Variants in PBX1 observed in about 807,000 individuals in gnomAD.
PBX1 encodes the protein PBX homeobox 1.
Under a neutral mutation model 53.4 loss-of-function variants are expected in PBX1, and 6 were observed. The observed-to-expected ratio is 0.11, with a 90% confidence interval of 0.06 to 0.22. The LOEUF (loss-of-function observed/expected upper bound fraction) is 0.22. PBX1 is among the 10% of genes least tolerant of loss of function. PBX1 has a pLI of 1.00. For missense variants in PBX1, 251 were observed against 551.4 expected (o/e 0.46, Z 5.46); for synonymous variants, 204 against 212.3 (o/e 0.96, Z 0.34).
At position 164,707,418 on chromosome 1, in the gene PBX1, TGAGAGAGAGAGA is replaced by T. The variant is rs528876002; in HGVS notation, c.266-85049_266-85038del. Among the ~76,000 whole-genome samples the T allele has an allele frequency of 1.8e-3, 218 of 118,260 alleles. 3 individuals carry two copies. The highest frequency in any genetic ancestry group is 0.015 in the Middle Eastern group (4 of 264). The allele number at this position is 118,260 out of a possible 152,430, so 77.6% of individuals were successfully genotyped here. ...AGGTGTGTGTGTGTGTGTGTGTGTG[TGAGAGAGAGAGA>T]GAGAGAGAGAGAGAGAGAGAGAGAG... On this transcript the variant is annotated intron_variant, in intron 2 of 8. Coordinates refer to ENST00000420696, the MANE Select transcript of PBX1 (RefSeq NM_002585.4).
intron 2 of PBX1, among the ~76,000 whole-genome samples, chr1:164,571,412 C>T (rs1653842884): frequency 6.6e-6 from 1 of 152,134 alleles, no homozygotes; most frequent in Non-Finnish European, 1.5e-5. Flanking sequence ...TTTGCCTATT[C>T]TGGACATTTC....
intron 2 of PBX1, among the ~76,000 whole-genome samples, chr1:164,716,083 G>C (rs1450712950): frequency 6.6e-6 from 1 of 152,110 alleles, no homozygotes; most frequent in Non-Finnish European, 1.5e-5. Flanking sequence ...GGCATATTTG[G>C]GTCATTAAAT....
chr1:164,662,282 C>T (rs774316228), intron 2 of PBX1, among the ~76,000 whole-genome samples: 2 of 152,124 alleles, frequency 1.3e-5, no homozygotes, highest in African/African-American at 2.4e-5. Context: ...GCCAAGATCT[C>T]GCCACTGCAC....
rs571835944 is a variant in PBX1 at position 164,635,167 on chromosome 1, A to G, written c.265+71856A>G. Among the ~76,000 whole-genome samples the G allele has an allele frequency of 2.0e-5, 3 of 152,266 alleles. No individual in the cohort carries two copies. In the South Asian group the frequency reaches 6.2e-4, roughly 32 times the overall value. ...TGTTAATTTATTAATCACTGAATAT[A>G]CAGCAGTTCATCTGAAATGCTGTTG... On this transcript the variant is annotated intron_variant, in intron 2 of 8. Coordinates refer to ENST00000420696, the MANE Select transcript of PBX1 (RefSeq NM_002585.4).
At chr1:164,822,972 A>C (rs548494059) in intron 8 of PBX1, among the ~76,000 whole-genome samples, 1 of 152,170 alleles carries the variant, frequency 6.6e-6, no homozygotes, top group Non-Finnish European at 1.5e-5. Flanking sequence ...GAAGTCAGGC[A>C]GCAGATTTTG....
At chr1:164,857,296 A>C (rs1429707012) in intron 2 of PBX1, among the ~76,000 whole-genome samples, 1 of 152,178 alleles carries the variant, frequency 6.6e-6, no homozygotes, top group Non-Finnish European at 1.5e-5. Flanking sequence ...TATAAAGGAT[A>C]CAAATAAACA....
chr1:164,675,026 A>G (rs1661355324), intron 2 of PBX1, among the ~76,000 whole-genome samples: 1 of 152,122 alleles, frequency 6.6e-6, no homozygotes, highest in Admixed American at 6.5e-5. Flanking sequence ...GGCAAGGGAA[A>G]TATGATTAAC....
chr1:164,593,805 T>C (rs1372736304), intron 2 of PBX1, among the ~76,000 whole-genome samples: 3 of 152,214 alleles, frequency 2.0e-5, no homozygotes, highest in Non-Finnish European at 4.4e-5. Context: ...CTTATTGTTA[T>C]TATCTCCGTT....
chr1:164,718,060 T>A (rs2347618), intron 2 of PBX1, among the ~76,000 whole-genome samples: 2 of 151,994 alleles, frequency 1.3e-5, no homozygotes, highest in Non-Finnish European at 2.9e-5. Context: ...TAAGTAAGTA[T>A]CTTGCCCAAG....
chr1:164,881,864 T>G (rs940625678), intron 2 of PBX1, among the ~76,000 whole-genome samples: 7 of 152,128 alleles, frequency 4.6e-5, no homozygotes, highest in African/African-American at 1.4e-4. Flanking sequence ...GGACAAAGAA[T>G]CTTAGAAGCT....
chr1:164,765,600 C>T (rs1667021798), intron 2 of PBX1, among the ~76,000 whole-genome samples: 1 of 152,186 alleles, frequency 6.6e-6, no homozygotes, highest in Admixed American at 6.5e-5. Context: ...TTGCTTTACA[C>T]ATGTTAACTC....
intron 2 of PBX1, among the ~76,000 whole-genome samples, chr1:164,717,933 T>C (rs1422154071): frequency 6.6e-6 from 1 of 152,218 alleles, no homozygotes; most frequent in Non-Finnish European, 1.5e-5. Flanking sequence ...ATACTAGCAA[T>C]CTTTTATTAA....
At chr1:164,655,554 A>T (rs1364505056) in intron 2 of PBX1, among the ~76,000 whole-genome samples, 1 of 152,188 alleles carries the variant, frequency 6.6e-6, no homozygotes, top group East Asian at 1.9e-4. Context: ...TCTTCCAAGG[A>T]TGACCACCAT....
At chr1:164,649,767 G>A (rs1460010954) in intron 2 of PBX1, among the ~76,000 whole-genome samples, 5 of 152,112 alleles carry the variant, frequency 3.3e-5, no homozygotes, top group Non-Finnish European at 7.4e-5. Flanking sequence ...ACCATGCTGG[G>A]TCTGTTCTAA....
chr1:164,739,076 C>A (rs1392036613), intron 2 of PBX1, among the ~76,000 whole-genome samples: 1 of 152,116 alleles, frequency 6.6e-6, no homozygotes, highest in African/African-American at 2.4e-5. Context: ...GCTCCATGTA[C>A]CCTGTGTGTT....
chr1:164,642,563 A>G (rs1425997297), intron 2 of PBX1: 3 of 152,214 alleles, frequency 2.0e-5, no homozygotes, highest in African/African-American at 4.8e-5. Flanking sequence ...TCCTGGCCCC[A>G]TGAAATCTGT....
intron 2 of PBX1, among the ~76,000 whole-genome samples, chr1:164,653,570 C>T (rs1659967372): frequency 1.3e-5 from 2 of 151,952 alleles, no homozygotes; most frequent in South Asian, 4.2e-4. Context: ...GTCAGGAGTT[C>T]GAGACCAGCC....
intron 3 of PBX1, among the ~76,000 whole-genome samples, chr1:164,797,793 C>T (rs1393129182): frequency 6.6e-6 from 1 of 152,156 alleles, no homozygotes; most frequent in Non-Finnish European, 1.5e-5. Flanking sequence ...TCATTTAATC[C>T]TTACTACACC....
intron 2 of PBX1, among the ~76,000 whole-genome samples, chr1:164,784,737 G>A (rs1306198189): frequency 6.6e-6 from 1 of 152,190 alleles, no homozygotes; most frequent in East Asian, 1.9e-4. Context: ...ACGGTGCCTG[G>A]CACCATAGTA....
Sources: allele counts gnomAD v4.1 joint callset (sites outside exome capture counted in the v4.1 genomes callset), GRCh38; gene constraint gnomAD v4.1.1; transcripts MANE v1.5; gene names NCBI Gene and HGNC (gene_info 2026-07-23, HGNC 2026-07-21).